ABCC4: variants seen among roughly 807,000 people sequenced by gnomAD.
ABCC4 encodes the protein ATP-binding cassette sub-family C member 4.
Under a neutral mutation model 168.5 loss-of-function variants are expected in ABCC4, and 102 were observed. The ratio of observed to expected loss-of-function variants is 0.61; its 90% CI spans 0.52 to 0.71. The LOEUF is 0.71. Among genes scored for constraint, ABCC4 ranks in the 30% least tolerant of loss-of-function variants. ABCC4 has a pLI of 0.00. For synonymous variants in ABCC4, 617 were observed against 590.7 expected, an observed-to-expected ratio of 1.04 and a Z score of -0.65; for missense variants, 1,402 against 1,605.8, an observed-to-expected ratio of 0.87 and a Z score of 2.17.
intron 1 of ABCC4, among the ~76,000 whole-genome samples, chr13:95,277,243 G>A (rs538370491): frequency 1.3e-5 from 2 of 152,046 alleles, no homozygotes; most frequent in East Asian, 3.9e-4. Flanking sequence ...AGGGGAGAGG[G>A]AAAGGCAATC....
intron 19 of ABCC4, among the ~76,000 whole-genome samples, chr13:95,159,613 C>T (rs946273340): frequency 4.6e-5 from 7 of 152,128 alleles, no homozygotes; most frequent in Non-Finnish European, 1.0e-4. Context: ...ACTTAATGCT[C>T]CAAATGTTAT....
chr13:95,054,425 G>A (rs2032977722), intron 26 of ABCC4, among the ~76,000 whole-genome samples: 2 of 151,868 alleles, frequency 1.3e-5, no homozygotes, highest in African/African-American at 4.8e-5. Flanking sequence ...GCGGGCACCT[G>A]TAGTCCCAGC....
intron 1 of ABCC4, among the ~76,000 whole-genome samples, chr13:95,252,005 A>G (rs8000333): frequency 0.93 from 140,904 of 152,210 alleles, 65,426 homozygotes; most frequent in East Asian, 1. Context: ...TTTCCATGCT[A>G]CAGACGTCAC....
intron 19 of ABCC4, among the ~76,000 whole-genome samples, chr13:95,147,735 T>C (rs566909662): frequency 6.6e-6 from 1 of 152,332 alleles, no homozygotes; most frequent in South Asian, 2.1e-4. Flanking sequence ...ATAATTCCAA[T>C]ATTCCATTTA....
chr13:95,289,170 T>C (rs1232805984), intron 1 of ABCC4, among the ~76,000 whole-genome samples: 1 of 152,214 alleles, frequency 6.6e-6, no homozygotes, highest in African/African-American at 2.4e-5. Context: ...GTTGGGTTTA[T>C]TACATAATCT....
chr13:95,300,868 T>G (rs2041657334), intron 1 of ABCC4, among the ~76,000 whole-genome samples: 1 of 152,170 alleles, frequency 6.6e-6, no homozygotes, highest in Non-Finnish European at 1.5e-5. Flanking sequence ...GGTGGGCGTG[T>G]AAGGGGTGCA....
At chr13:95,300,822 T>A (rs1454556667) in intron 1 of ABCC4, among the ~76,000 whole-genome samples, 1 of 152,200 alleles carries the variant, frequency 6.6e-6, no homozygotes, top group African/African-American at 2.4e-5. Context: ...TTCAGGAGAC[T>A]GCGAGTCCCA....
intron 30 of ABCC4, among the ~76,000 whole-genome samples, chr13:95,029,196 A>C (rs1247236289): frequency 0.04 from 3,494 of 87,466 alleles, 121 homozygotes; most frequent in Admixed American, 0.07. Flanking sequence ...ATATATATAT[A>C]TATATATATA....
chr13:95,250,771 T>C (rs2040234218), intron 1 of ABCC4, among the ~76,000 whole-genome samples: 1 of 142,626 alleles, frequency 7.0e-6, no homozygotes, highest in African/African-American at 2.6e-5. Context: ...TTTTTTTTTT[T>C]TTTTTTTTTT....
chr13:95,301,131 C>T (rs1179645719), intron 1 of ABCC4, 110 bp downstream of exon 1: 9 of 1,059,704 alleles, frequency 8.5e-6, no homozygotes, highest in Non-Finnish European at 2.6e-6. Flanking sequence ...GAAAGCGCTC[C>T]CCTCGCCCCC....
At chr13:95,239,000 A>C (rs114062740) in intron 3 of ABCC4, among the ~76,000 whole-genome samples, 111 of 152,356 alleles carry the variant, frequency 7.3e-4, no homozygotes, top group African/African-American at 2.6e-3. Context: ...AGGGAAAATT[A>C]AATGTTCAGT....
chr13:95,025,736 T>A (rs2139201106), intron 30 of ABCC4, among the ~76,000 whole-genome samples: 1 of 152,082 alleles, frequency 6.6e-6, no homozygotes, highest in African/African-American at 2.4e-5. Flanking sequence ...TGAAGTAAGA[T>A]AAACACATGA....
At chr13:95,157,131 A>ACACACACACACAC (rs1350889658) in intron 19 of ABCC4, among the ~76,000 whole-genome samples, 4 of 82,776 alleles carry the variant, frequency 4.8e-5, no homozygotes, top group African/African-American at 2.9e-4. Context: ...CACACACACA[A>ACACACACACACAC]ACAGTCACCA....
chr13:95,194,814 T>C (rs779235936), intron 9 of ABCC4, 22 bp downstream of exon 9: 3 of 1,584,094 alleles, frequency 1.9e-6, no homozygotes, highest in South Asian at 1.1e-5. Flanking sequence ...GCAGTCATGA[T>C]CTTGCATTAA....
chr13:95,122,608 C>T (rs2035610303), intron 19 of ABCC4, among the ~76,000 whole-genome samples: 1 of 152,166 alleles, frequency 6.6e-6, no homozygotes, highest in African/African-American at 2.4e-5. Context: ...GGCCGTGTGT[C>T]CCTGTTCCCA....
At chr13:95,267,078 T>C (rs1282676185) in intron 1 of ABCC4, among the ~76,000 whole-genome samples, 2 of 151,998 alleles carry the variant, frequency 1.3e-5, no homozygotes, top group Admixed American at 1.3e-4. Flanking sequence ...GGTTTCACCA[T>C]GTTATGTTGG....
intron 29 of ABCC4, among the ~76,000 whole-genome samples, chr13:95,040,001 G>A (rs1452991889): frequency 1.3e-5 from 2 of 152,180 alleles, no homozygotes; most frequent in African/African-American, 4.8e-5. Context: ...AGGGGTGTAC[G>A]GAGAGTCATC....
At chr13:95,171,552 T>G (rs2037476791) in intron 13 of ABCC4, among the ~76,000 whole-genome samples, 1 of 144,922 alleles carries the variant, frequency 6.9e-6, no homozygotes. Flanking sequence ...TAAGACCCTG[T>G]CTCAAAAAGA....
At chr13:95,204,428 C>T (rs1397400493) in intron 8 of ABCC4, among the ~76,000 whole-genome samples, 2 of 148,990 alleles carry the variant, frequency 1.3e-5, no homozygotes, top group Non-Finnish European at 2.9e-5. Context: ...TGGAGGTAAT[C>T]GGATCATGGG....
Sources: gnomAD v4.1 joint callset for allele counts (sites outside exome capture counted in the v4.1 genomes callset) on GRCh38, gnomAD v4.1.1 for gene constraint, MANE v1.5 for transcripts, NCBI Gene and HGNC (gene_info 2026-07-23, HGNC 2026-07-21) for gene names.